ERO1B: variants seen among roughly 807,000 people sequenced by gnomAD.
The protein encoded by ERO1B is ERO1-like protein beta.
Under a neutral mutation model 75.3 loss-of-function variants are expected in ERO1B, and 49 were observed. The ratio of observed to expected loss-of-function variants is 0.65; its 90% CI spans 0.52 to 0.83. The LOEUF (loss-of-function observed/expected upper bound fraction) is 0.83. Among genes scored for constraint, ERO1B ranks in the 40% least tolerant of loss-of-function variants. The pLI is 0.00. For missense variants in ERO1B, 512 were observed against 560.1 expected (o/e 0.91, Z 0.87); for synonymous variants, 191 against 192.9 (o/e 0.99, Z 0.08).
At chr1:236,272,391 T>A (rs996291558) in intron 1 of ERO1B, among the ~76,000 whole-genome samples, 2 of 152,122 alleles carry the variant, frequency 1.3e-5, no homozygotes, top group African/African-American at 2.4e-5. Context: ...TTTAAAAAAA[T>A]GAAATAATGT....
chr1:236,270,763 C>T (rs1327926630), intron 1 of ERO1B, among the ~76,000 whole-genome samples: 1 of 152,140 alleles, frequency 6.6e-6, no homozygotes, highest in East Asian at 1.9e-4. Flanking sequence ...AAAGGTTACA[C>T]ACTATATGAT....
chr1:236,281,743 AC>A lies in ERO1B; in HGVS notation c.40del (p.Val14Ter). ...GACCAGCAGCTGCACCGCGGCCGCT[AC>A]CCCCTGCCCAGCGCCTGCCCGGCGG... Reference protein sequence around the residue: ...GVRRAGAGQGVAAAVQLLVTL... With the variant: ...GVRRAGAGQGXAAAVQLLVTL... On this transcript the variant is annotated frameshift_variant, in exon 1 of 16. Coordinates refer to ENST00000354619, the MANE Select transcript of ERO1B (RefSeq NM_019891.4). LOFTEE classifies it high-confidence loss of function. 6.6e-7 allele frequency: 1 copy of A among 1,511,830 alleles called. No individual in the cohort carries two copies. The highest frequency in any genetic ancestry group is 1.4e-5 in the African/African-American group (1 of 70,084). 93.7% of individuals were successfully genotyped at this position (1,511,830 alleles called of 1,614,324 possible).
At chr1:236,249,025 CTT>C (rs11367113) in intron 5 of ERO1B, among the ~76,000 whole-genome samples, 188 of 118,102 alleles carry the variant, frequency 1.6e-3, no homozygotes, top group Middle Eastern at 8.8e-3. Flanking sequence ...AAATACAAAT[CTT>C]TTTTTTTTTT....
chr1:236,252,575 T>G (rs1665055381), intron 3 of ERO1B, among the ~76,000 whole-genome samples: 2 of 152,320 alleles, frequency 1.3e-5, no homozygotes, highest in African/African-American at 4.8e-5. Context: ...CAATCTAATC[T>G]AGGGTTTACC....
chr1:236,278,085 T>G (rs1665748756), intron 1 of ERO1B, among the ~76,000 whole-genome samples: 1 of 152,166 alleles, frequency 6.6e-6, no homozygotes, highest in Admixed American at 6.5e-5. Flanking sequence ...TTTATTCTCC[T>G]TGGCACTTCA....
intron 1 of ERO1B, 121 bp downstream of exon 1, chr1:236,281,561 A>T: frequency 3.6e-6 from 2 of 551,564 alleles, no homozygotes; most frequent in Non-Finnish European, 5.4e-6. Context: ...TCTGCTCGCC[A>T]GAAATCACCT....
chr1:236,238,771 T>A (rs1028063820), intron 6 of ERO1B, among the ~76,000 whole-genome samples: 5 of 152,016 alleles, frequency 3.3e-5, no homozygotes, highest in Admixed American at 6.6e-5. Context: ...TAGGACTACA[T>A]GTGTATAGAA....
At position 236,281,764 on chromosome 1, in the gene ERO1B, C is replaced by G. The variant is rs373696271; in HGVS notation, c.20G>C (p.Arg7Pro). 1 of 1,515,084 alleles carries G rather than the reference C, an allele frequency of 6.6e-7. No homozygotes were observed. Among genetic ancestry groups the G allele is most frequent in the Non-Finnish European group, 8.8e-7 (1 of 1,134,794 alleles). The allele number at this position is 1,515,084 out of a possible 1,614,324, so 93.9% of individuals were successfully genotyped here. A position where few individuals can be genotyped will look rare whatever the true frequency, so the allele number is the denominator to read the frequency against. The change falls in exon 1 of 16, where the codon CGG becomes CCG. Residue 7 changes from arginine to proline, a missense_variant. By Grantham distance (103) the Arg-to-Pro change is moderately radical. Coordinates refer to ENST00000354619, the MANE Select transcript of ERO1B (RefSeq NM_019891.4). ...CGCTACCCCCTGCCCAGCGCCTGCC[C>G]GGCGGACCCCTTGGCTCATGCTGAC... MSQGVR[R>P]AGAGQGVAAA...
intron 1 of ERO1B, among the ~76,000 whole-genome samples, chr1:236,277,737 A>G (rs1749553): frequency 0.44 from 67,398 of 151,922 alleles, 15,461 homozygotes; most frequent in Non-Finnish European, 0.51. Flanking sequence ...GGTGATGGAG[A>G]ATTAAGGAGA....
chr1:236,230,863 G>C (rs556618248), intron 9 of ERO1B, among the ~76,000 whole-genome samples: 2 of 151,886 alleles, frequency 1.3e-5, no homozygotes, highest in Non-Finnish European at 2.9e-5. Context: ...AGAAGGTTGA[G>C]GGGGAAGGAT....
rs113204372 is a variant in ERO1B, at chr1:236,256,657, C to T, written c.223-3152G>A. Among the ~76,000 whole-genome samples, 1,347 of 152,248 alleles carry T rather than the reference C, an allele frequency of 8.8e-3. 8 individuals carry two copies. The highest frequency in any genetic ancestry group is 0.013 in the Non-Finnish European group (889 of 68,002). ...TAGGGGGGCATGAGACCTGCTGGCC[C>T]AAAAAGTAGAGTGGGCTTCCTGCAC... is the stretch of plus-strand genomic sequence containing the variant. On this transcript the variant is annotated intron_variant, in intron 2 of 15. Transcript: ENST00000354619.
At chr1:236,247,542 G>A (rs985226269) in intron 5 of ERO1B, among the ~76,000 whole-genome samples, 4 of 152,062 alleles carry the variant, frequency 2.6e-5, no homozygotes, top group African/African-American at 7.3e-5. Flanking sequence ...GGATTACTAC[G>A]ATAATCACGT....
intron 10 of ERO1B, 129 bp from the exon 11 acceptor site, chr1:236,226,868 A>C (rs1664291753): frequency 3.0e-6 from 2 of 662,180 alleles, no homozygotes; most frequent in Non-Finnish European, 5.0e-6. Flanking sequence ...ATAATATAAA[A>C]CTGATTAGAT....
intron 6 of ERO1B, among the ~76,000 whole-genome samples, chr1:236,239,835 GTGTATATATATATGTGTATATATGTA>G (rs1664644184): frequency 4.7e-5 from 2 of 42,352 alleles, no homozygotes; most frequent in Non-Finnish European, 8.3e-5. Flanking sequence ...GTATATATAT[GTGTATATATATATGTGTATATATGTA>G]TATATATATG....
chr1:236,254,569 G>A (rs1665115465), intron 2 of ERO1B, among the ~76,000 whole-genome samples: 1 of 152,090 alleles, frequency 6.6e-6, no homozygotes, highest in African/African-American at 2.4e-5. Flanking sequence ...GGCCACACTG[G>A]CCTTGCTGGG....
intron 6 of ERO1B, among the ~76,000 whole-genome samples, chr1:236,236,613 A>G (rs187341876): frequency 6.6e-6 from 1 of 152,192 alleles, no homozygotes; most frequent in African/African-American, 2.4e-5. Context: ...AGAAAAAACA[A>G]CTCTTCCATT....
intron 2 of ERO1B, among the ~76,000 whole-genome samples, chr1:236,263,542 C>T (rs1372874977): frequency 1.3e-5 from 2 of 152,034 alleles, no homozygotes; most frequent in East Asian, 1.9e-4. Context: ...ATCCACTGCA[C>T]CAGGCCAAAA....
intron 13 of ERO1B, among the ~76,000 whole-genome samples, chr1:236,223,175 C>G (rs1486385903): frequency 3.5e-5 from 5 of 144,490 alleles, no homozygotes; most frequent in African/African-American, 1.3e-4. Flanking sequence ...GCACTCCAGC[C>G]TGGGCAACTA....
intron 1 of ERO1B, among the ~76,000 whole-genome samples, chr1:236,273,792 C>T (rs952315404): frequency 2.7e-5 from 3 of 111,350 alleles, no homozygotes; most frequent in Admixed American, 1.2e-4. Context: ...GGGAAAAGAG[C>T]GAGACCTTGT....
Sources: allele counts gnomAD v4.1 joint callset (sites outside exome capture counted in the v4.1 genomes callset), GRCh38; gene constraint gnomAD v4.1.1; transcripts MANE v1.5; gene names NCBI Gene and HGNC (gene_info 2026-07-23, HGNC 2026-07-21).